Variants in DLG1 observed in about 807,000 individuals in gnomAD.
The protein encoded by DLG1 is discs large MAGUK scaffold protein 1.
Under a neutral mutation model 123.4 loss-of-function variants are expected in DLG1, and 42 were observed. The observed-to-expected ratio is 0.34, with a 90% CI of 0.27 to 0.44. DLG1 has a LOEUF of 0.44. DLG1 is among the 20% of genes least tolerant of loss of function. The pLI, the probability that DLG1 is intolerant of heterozygous loss-of-function variation, is 1.00. For missense variants in DLG1, 942 were observed against 1,082.6 expected, an observed-to-expected ratio of 0.87 and a Z score of 1.82; for synonymous variants, 317 against 356.2, an observed-to-expected ratio of 0.89 and a Z score of 1.24.
intron 5 of DLG1, among the ~76,000 whole-genome samples, chr3:197,173,322 T>C (rs1805237388): frequency 6.6e-6 from 1 of 152,194 alleles, no homozygotes; most frequent in South Asian, 2.1e-4. Context: ...ACCTCACTGA[T>C]GTAATTAATG....
At chr3:197,077,699 A>ATG (rs1364445329) in intron 17 of DLG1, among the ~76,000 whole-genome samples, 1 of 152,208 alleles carries the variant, frequency 6.6e-6, no homozygotes, top group African/African-American at 2.4e-5. Flanking sequence ...TTTTCCTTGA[A>ATG]TGTCTCATTT....
At chr3:197,048,071 A>G (rs115008305) in intron 24 of DLG1, among the ~76,000 whole-genome samples, 6 of 152,360 alleles carry the variant, frequency 3.9e-5, no homozygotes, top group African/African-American at 1.4e-4. Context: ...TCCATTTAAA[A>G]AATGGGCAAA....
chr3:197,099,739 T>G (rs981846969), intron 14 of DLG1, among the ~76,000 whole-genome samples: 2 of 152,194 alleles, frequency 1.3e-5, no homozygotes, highest in African/African-American at 2.4e-5. Context: ...AAGAAAAACA[T>G]TCATTTATAA....
At chr3:197,273,372 G>A (rs1764797060) in intron 4 of DLG1, among the ~76,000 whole-genome samples, 1 of 151,508 alleles carries the variant, frequency 6.6e-6, no homozygotes. Context: ...CAAGTAGCTG[G>A]GATTACAGGT....
chr3:197,169,665 T>C (rs951923453), intron 5 of DLG1, among the ~76,000 whole-genome samples: 5 of 152,354 alleles, frequency 3.3e-5, no homozygotes, highest in African/African-American at 1.2e-4. Context: ...TACTATCTGA[T>C]AGCTAATAAT....
chr3:197,116,404 A>G (rs1277593211), intron 12 of DLG1, among the ~76,000 whole-genome samples: 1 of 152,190 alleles, frequency 6.6e-6, no homozygotes, highest in Admixed American at 6.5e-5. Flanking sequence ...CTGATGTTGC[A>G]CACTTTATTG....
At chr3:197,119,075 A>G (rs1774892875) in intron 12 of DLG1, among the ~76,000 whole-genome samples, 2 of 152,198 alleles carry the variant, frequency 1.3e-5, no homozygotes, top group South Asian at 2.1e-4. Context: ...TTTATGGTAT[A>G]TATTAGATAA....
intron 4 of DLG1, among the ~76,000 whole-genome samples, chr3:197,247,378 A>C (rs1250830965): frequency 1.3e-5 from 2 of 152,084 alleles, no homozygotes; most frequent in East Asian, 3.9e-4. Context: ...TGGCAGATAC[A>C]GGTGGTCTAG....
intron 11 of DLG1, among the ~76,000 whole-genome samples, chr3:197,126,821 A>G (rs1779363106): frequency 6.6e-6 from 1 of 152,236 alleles, no homozygotes; most frequent in Admixed American, 6.5e-5. Context: ...ACATTACTGG[A>G]GGGCAGTATG....
At chr3:197,261,082 G>T (rs1759223402) in intron 4 of DLG1, among the ~76,000 whole-genome samples, 1 of 151,992 alleles carries the variant, frequency 6.6e-6, no homozygotes, top group African/African-American at 2.4e-5. Context: ...ACCACAAAAA[G>T]ATAGTTACAA....
chr3:197,236,443 G>T (rs1746008182), intron 4 of DLG1, among the ~76,000 whole-genome samples: 1 of 151,936 alleles, frequency 6.6e-6, no homozygotes, highest in Non-Finnish European at 1.5e-5. Context: ...AATACATCAG[G>T]TGACCTACAA....
intron 18 of DLG1, 192 bp from the exon 19 acceptor site, chr3:197,069,452 G>C (rs192042317): frequency 2.2e-5 from 9 of 408,406 alleles, no homozygotes; most frequent in Non-Finnish European, 3.9e-5. Flanking sequence ...CTGTAATTAA[G>C]GACAATGCCT....
chr3:197,146,208 G>A (rs1239692843), intron 6 of DLG1, among the ~76,000 whole-genome samples: 3 of 152,056 alleles, frequency 2.0e-5, no homozygotes, highest in Non-Finnish European at 4.4e-5. Context: ...AATCAATACT[G>A]TGAAAATGAC....
Position 197,239,843 on chromosome 3 carries a change from T to TAA in DLG1, c.318+42834_318+42835dup, listed in dbSNP as rs3035903. The stretch of plus-strand genomic sequence containing the variant: ...GACAGTTCAGGGGCCACAGAAAAGT[T>TAA]AAAAAAAAAAAAAAGAATTCTAGCA... On this transcript the variant is annotated intron_variant, in intron 4 of 24. Coordinates refer to ENST00000667157, the MANE Select transcript of DLG1 (RefSeq NM_001366207.1). Among the ~76,000 whole-genome samples the TAA allele has an allele frequency of 2.5e-3, 333 of 133,994 alleles. 5 individuals are homozygous for TAA. Among genetic ancestry groups the TAA allele is most frequent in the African/African-American group, 8.8e-3 (308 of 34,990 alleles). 87.9% of individuals were successfully genotyped at this position (133,994 alleles called of 152,430 possible). A position where few individuals can be genotyped will look rare whatever the true frequency, so the allele number is the denominator to read the frequency against.
At chr3:197,052,311 T>C (rs1438471518) in intron 23 of DLG1, among the ~76,000 whole-genome samples, 1 of 151,634 alleles carries the variant, frequency 6.6e-6, no homozygotes, top group Non-Finnish European at 1.5e-5. Context: ...AAAAATTAGC[T>C]GGGTGTGGTG....
At chr3:197,289,996 C>G (rs527280861) in intron 3 of DLG1, among the ~76,000 whole-genome samples, 1 of 151,988 alleles carries the variant, frequency 6.6e-6, no homozygotes, top group Admixed American at 6.5e-5. Flanking sequence ...AGGGCTGGGG[C>G]AGGAGAGGTA....
rs761445608 is a variant in DLG1, at chr3:197,194,562, G to A, written c.346C>T (p.Pro116Ser). ...TGTGGGGAAATATGCTCTTGAGGAG[G>A]TGTATCTTCATCCTGATACCTGTAT... is the stretch of plus-strand genomic sequence containing the variant. ...EKYRYQDEDT[P>S]PQEHISPQIT... Residue 116 changes from proline to serine, a missense_variant, in exon 5 of 25, where the codon CCT becomes TCT. Physicochemically the swap from Pro to Ser is moderately conservative, Grantham distance 74. Transcript: ENST00000667157. 6.2e-7 allele frequency: 1 copy of A among 1,600,550 alleles called. No individual in the cohort carries two copies. Among genetic ancestry groups the A allele is most frequent in the Non-Finnish European group, 8.5e-7 (1 of 1,175,100 alleles).
At chr3:197,163,774 T>C (rs1456871550) in intron 5 of DLG1, among the ~76,000 whole-genome samples, 3 of 149,940 alleles carry the variant, frequency 2.0e-5, no homozygotes, top group Non-Finnish European at 4.4e-5. Flanking sequence ...CCTGACCTTG[T>C]GATCCACCCA....
rs536373580 is a variant in DLG1 at position 197,145,880 on chromosome 3, G to C, written c.538-3112C>G. ...AGGGCGGGGGCCAAGGGGTGGGGTAGGGTGGGGGCTGAGACAGGAGAAGCA... is the reference window on the plus strand; with the variant it reads ...AGGGCGGGGGCCAAGGGGTGGGGTACGGTGGGGGCTGAGACAGGAGAAGCA... On this transcript the variant is annotated intron_variant, in intron 6 of 24. Coordinates refer to ENST00000667157, the MANE Select transcript of DLG1 (RefSeq NM_001366207.1). 2.0e-5 allele frequency among the ~76,000 whole-genome samples: 3 copies of C among 151,124 alleles called. No individual in the cohort carries two copies. The Admixed American group carries it at 2.0e-4, about 10-fold the overall frequency.
Sources: allele counts gnomAD v4.1 joint callset (sites outside exome capture counted in the v4.1 genomes callset), GRCh38; gene constraint gnomAD v4.1.1; transcripts MANE v1.5; gene names NCBI Gene and HGNC (gene_info 2026-07-23, HGNC 2026-07-21).